CLNK: variants seen among roughly 807,000 people sequenced by gnomAD.
CLNK encodes cytokine dependent hematopoietic cell linker, also known as cytokine-dependent hematopoietic cell linker.
A neutral mutation model predicts 68.6 loss-of-function variants in CLNK; 74 were observed. The observed-to-expected ratio is 1.08, with a 90% CI of 0.89 to 1.31. The LOEUF (loss-of-function observed/expected upper bound fraction) is 1.31. Among genes scored for constraint, CLNK ranks in the 50% most tolerant of loss-of-function variants. CLNK has a pLI of 0.00. For missense variants in CLNK, 553 were observed against 515.3 expected (o/e 1.07, Z -0.71); for synonymous variants, 198 against 172.2 (o/e 1.15, Z -1.17).
intron 2 of CLNK, among the ~76,000 whole-genome samples, chr4:10,605,850 A>AT (rs1219882201): frequency 1.4e-5 from 2 of 142,884 alleles, no homozygotes; most frequent in African/African-American, 2.5e-5. Flanking sequence ...AAATAGAAAA[A>AT]AGAAAAGAAA....
chr4:10,504,164 A>G (rs1232737316), intron 17 of CLNK, among the ~76,000 whole-genome samples: 1 of 114,436 alleles, frequency 8.7e-6, no homozygotes, highest in Non-Finnish European at 1.6e-5. Context: ...TCTGTCGCCC[A>G]GGTTGGAGTG....
upstream of CLNK, among the ~76,000 whole-genome samples, chr4:10,685,464 G>A (rs1279477513): frequency 2.0e-5 from 3 of 152,038 alleles, no homozygotes; most frequent in Non-Finnish European, 4.4e-5. Flanking sequence ...TAATGTTTGG[G>A]CACATATCAG....
chr4:10,616,341 T>G (rs1209219559), intron 2 of CLNK, among the ~76,000 whole-genome samples: 1 of 152,186 alleles, frequency 6.6e-6, no homozygotes, highest in Non-Finnish European at 1.5e-5. Flanking sequence ...AAGAAGATAA[T>G]GGAGGAAATG....
the CLNK span, among the ~76,000 whole-genome samples, chr4:10,701,729 A>G: frequency 2.0e-5 from 3 of 152,216 alleles, no homozygotes; most frequent in South Asian, 2.1e-4. Context: ...ATGATCCCCA[A>G]TTTATAGACG....
the CLNK span, among the ~76,000 whole-genome samples, chr4:10,713,095 AT>A: frequency 6.6e-6 from 1 of 151,994 alleles, no homozygotes; most frequent in African/African-American, 2.4e-5. Context: ...TGATTATTAA[AT>A]TTTTTCTCTG....
At chr4:10,637,810 G>A (rs1317003680) in intron 2 of CLNK, among the ~76,000 whole-genome samples, 4 of 129,544 alleles carry the variant, frequency 3.1e-5, no homozygotes, top group Non-Finnish European at 1.6e-5. Context: ...CACCGTGTTA[G>A]CCAGGATGGT....
At chr4:10,499,620 T>A (rs966475700) in intron 18 of CLNK, among the ~76,000 whole-genome samples, 1 of 152,214 alleles carries the variant, frequency 6.6e-6, no homozygotes, top group Non-Finnish European at 1.5e-5. Flanking sequence ...TCGGTATCTG[T>A]GTGAAAGTTC....
rs547473726 is a variant in CLNK, at chr4:10,667,081, A to G, written c.11+778T>C. Among the ~76,000 whole-genome samples, 10 of 152,326 alleles carry G rather than the reference A, an allele frequency of 6.6e-5. No individual in the cohort carries two copies. The East Asian group carries it at 1.2e-3, about 18-fold the overall frequency. Reference sequence around the variant, plus strand: ...TTCAAAGGGTTAAGGAACTTCTTGCATATCCAGAGGGTAAGGATATCATCA... The same window carrying G: ...TTCAAAGGGTTAAGGAACTTCTTGCGTATCCAGAGGGTAAGGATATCATCA... On this transcript the variant is annotated intron_variant, in intron 2 of 18. Coordinates refer to ENST00000226951, the MANE Select transcript of CLNK (RefSeq NM_052964.4).
At chr4:10,691,215 G>C in the CLNK span, among the ~76,000 whole-genome samples, 4 of 151,990 alleles carry the variant, frequency 2.6e-5, no homozygotes, top group Non-Finnish European at 4.4e-5. Context: ...ATGTATTGGG[G>C]TATACATAAT....
At chr4:10,673,592 C>T (rs559426240) in intron 1 of CLNK, among the ~76,000 whole-genome samples, 28 of 151,524 alleles carry the variant, frequency 1.8e-4, no homozygotes, top group African/African-American at 3.2e-4. Flanking sequence ...ACTGCATGTC[C>T]GCACTCACAG....
At chr4:10,539,062 G>A (rs1461394623) in intron 11 of CLNK, among the ~76,000 whole-genome samples, 1 of 152,242 alleles carries the variant, frequency 6.6e-6, no homozygotes, top group African/African-American at 2.4e-5. Context: ...CCATGGAATT[G>A]TAAGCCAATC....
At chr4:10,528,253 TA>T (rs1183821914) in intron 12 of CLNK, among the ~76,000 whole-genome samples, 159 bp from the exon 13 acceptor site, 1 of 152,202 alleles carries the variant, frequency 6.6e-6, no homozygotes, top group Non-Finnish European at 1.5e-5. Flanking sequence ...TAATTCTTCA[TA>T]AAACTAAACA....
intron 11 of CLNK, among the ~76,000 whole-genome samples, chr4:10,535,213 G>GAAAGAAAGAAAGAAAGAAAGAAAGAA (rs1390380873): frequency 7.6e-6 from 1 of 131,298 alleles, no homozygotes; most frequent in Non-Finnish European, 1.6e-5. Context: ...AAGAAAGAAA[G>GAAAGAAAGAAAGAAAGAAAGAAAGAA]AGAAAGAAAG....
the CLNK span, among the ~76,000 whole-genome samples, chr4:10,707,232 T>TA: frequency 2.0e-4 from 30 of 151,554 alleles, no homozygotes; most frequent in South Asian, 1.0e-3. Context: ...ACTGATGAGC[T>TA]AAAAAAAAAT....
At chr4:10,715,740 C>T in the CLNK span, among the ~76,000 whole-genome samples, 2 of 152,132 alleles carry the variant, frequency 1.3e-5, no homozygotes, top group Non-Finnish European at 2.9e-5. Flanking sequence ...ATCAAAATCA[C>T]CTGTGTCAAA....
At chr4:10,615,874 A>T (rs986967142) in intron 2 of CLNK, among the ~76,000 whole-genome samples, 3 of 152,246 alleles carry the variant, frequency 2.0e-5, no homozygotes, top group Non-Finnish European at 2.9e-5. Context: ...GAGGCATTCA[A>T]TGTCAGACCT....
chr4:10,517,845 A>G (rs1326273351), intron 15 of CLNK, among the ~76,000 whole-genome samples: 1 of 152,242 alleles, frequency 6.6e-6, no homozygotes, highest in Non-Finnish European at 1.5e-5. Flanking sequence ...AAAACAAAAC[A>G]GAGCAAAGAA....
intron 3 of CLNK, among the ~76,000 whole-genome samples, chr4:10,591,645 C>T (rs898307204): frequency 9.2e-5 from 14 of 152,192 alleles, no homozygotes; most frequent in Admixed American, 1.3e-4. Flanking sequence ...CTGTCCTATC[C>T]GAGCAAGGCC....
the CLNK span, among the ~76,000 whole-genome samples, chr4:10,730,625 C>T: frequency 2.6e-5 from 4 of 152,128 alleles, no homozygotes; most frequent in African/African-American, 9.7e-5. Context: ...AATACATGTT[C>T]CCAATCTCCC....
Sources: gnomAD v4.1 joint callset for allele counts (sites outside exome capture counted in the v4.1 genomes callset) on GRCh38, gnomAD v4.1.1 for gene constraint, MANE v1.5 for transcripts, NCBI Gene and HGNC (gene_info 2026-07-23, HGNC 2026-07-21) for gene names.